FBXO25: variants seen among roughly 807,000 people sequenced by gnomAD.
The protein encoded by FBXO25 is F-box protein 25, also known as F-box only protein 25.
A neutral mutation model predicts 51.9 loss-of-function variants in FBXO25; 45 were observed. The observed-to-expected ratio is 0.87, with a 90% CI of 0.68 to 1.11. The LOEUF is 1.11. Ranked by LOEUF, FBXO25 falls within the 50% of genes most tolerant of loss-of-function variation. The pLI, the probability that FBXO25 is intolerant of heterozygous loss-of-function variation, is 0.00. For synonymous variants in FBXO25, 199 were observed against 151.0 expected, an observed-to-expected ratio of 1.32 and a Z score of -2.33; for missense variants, 507 against 428.5, an observed-to-expected ratio of 1.18 and a Z score of -1.62.
intron 2 of FBXO25, among the ~76,000 whole-genome samples, chr8:417,696 C>G (rs1796894496): frequency 6.6e-6 from 1 of 152,196 alleles, no homozygotes; most frequent in Admixed American, 6.5e-5. Context: ...CATGTTCATC[C>G]TTTTCCTCCA....
chr8:453,640 G>T (rs185489460), intron 7 of FBXO25, among the ~76,000 whole-genome samples: 13 of 152,182 alleles, frequency 8.5e-5, no homozygotes, highest in Non-Finnish European at 1.6e-4. Flanking sequence ...GCTTATTCAC[G>T]TGAATTTTGA....
Position 475,451 on chromosome 8 carries a change from G to T in FBXO25, c.*6647G>T, listed in dbSNP as rs905499713. The T allele has an allele frequency of 6.6e-6, 1 of 152,284 alleles. No homozygotes were observed. The highest frequency in any genetic ancestry group is 2.4e-5 in the African/African-American group (1 of 41,150). 9.4% of individuals were successfully genotyped at this position (152,284 alleles called of 1,614,324 possible). A position where few individuals can be genotyped will look rare whatever the true frequency, so the allele number is the denominator to read the frequency against. On this transcript the variant is annotated 3_prime_UTR_variant, in exon 10 of 10. Coordinates refer to ENST00000350302, the MANE Select transcript of FBXO25 (RefSeq NM_183420.2). ...TCTTGAGATTCCATATGAGTTTCAGGATGGAAAAAAAAAAGCCACTGGGAT... is the reference window on the plus strand; with the variant it reads ...TCTTGAGATTCCATATGAGTTTCAGTATGGAAAAAAAAAAGCCACTGGGAT...
chr8:444,065 T>C (rs1798593746), intron 5 of FBXO25, among the ~76,000 whole-genome samples: 1 of 152,168 alleles, frequency 6.6e-6, no homozygotes, highest in African/African-American at 2.4e-5. Flanking sequence ...GCAGGGATAA[T>C]AGTAAGACCT....
intron 9 of FBXO25, among the ~76,000 whole-genome samples, chr8:463,392 G>T (rs1485222039): frequency 6.6e-6 from 1 of 152,208 alleles, no homozygotes. Context: ...ATGCAGGAGG[G>T]CGTTGCAGGC....
At chr8:407,955 C>T (rs1584986981) in intron 1 of FBXO25, among the ~76,000 whole-genome samples, 1 of 152,182 alleles carries the variant, frequency 6.6e-6, no homozygotes, top group East Asian at 1.9e-4. Context: ...CCATTTCTTC[C>T]CTTATGAAGC....
rs1449025649 is a variant in FBXO25, at chr8:476,050, A to G, written c.*7246A>G. ...CCTCTATTTTAGGTTGTTTCCTTCT[A>G]TTCCCAATTGTTGAGTTTTTATCAT... On this transcript the variant is annotated 3_prime_UTR_variant, in exon 10 of 10. Transcript: ENST00000350302. 6.6e-6 allele frequency: 1 copy of G among 152,070 alleles called. No individual in the cohort carries two copies. Among genetic ancestry groups the G allele is most frequent in the Non-Finnish European group, 1.5e-5 (1 of 67,970 alleles). The allele number at this position is 152,070 out of a possible 1,614,324, so 9.4% of individuals were successfully genotyped here. A position where few individuals can be genotyped will look rare whatever the true frequency, so the allele number is the denominator to read the frequency against.
chr8:452,528 C>T (rs113335288), intron 7 of FBXO25, among the ~76,000 whole-genome samples: 1 of 152,194 alleles, frequency 6.6e-6, no homozygotes, highest in Non-Finnish European at 1.5e-5. Flanking sequence ...GGCCAAAGTC[C>T]CCTTTCTCCT....
chr8:446,737 G>A (rs772118650), intron 5 of FBXO25, among the ~76,000 whole-genome samples: 2 of 152,188 alleles, frequency 1.3e-5, no homozygotes, highest in Non-Finnish European at 2.9e-5. Flanking sequence ...TCTGGCCAGT[G>A]CCCTCAACTG....
intron 5 of FBXO25, among the ~76,000 whole-genome samples, chr8:438,919 C>CA (rs1371241649): frequency 6.6e-6 from 1 of 152,188 alleles, no homozygotes; most frequent in African/African-American, 2.4e-5. Context: ...TCTGCGTCCC[C>CA]ATCCCAGTTG....
chr8:444,520 T>C (rs1798619224), intron 5 of FBXO25, among the ~76,000 whole-genome samples: 1 of 152,256 alleles, frequency 6.6e-6, no homozygotes, highest in Admixed American at 6.5e-5. Flanking sequence ...TTTGTGGCCT[T>C]CTTTATAATT....
chr8:469,920 G>A lies in FBXO25; in HGVS notation c.*1116G>A, dbSNP rs960930155. On this transcript the variant is annotated 3_prime_UTR_variant, in exon 10 of 10. Coordinates refer to ENST00000350302, the MANE Select transcript of FBXO25 (RefSeq NM_183420.2). ...CTGGATTTTTCAGCCCCACTTCTGT[G>A]AACTGACACAAATGGCCAAGAATGC... 1.3e-5 allele frequency: 2 copies of A among 152,110 alleles called. No individual in the cohort carries two copies. Among genetic ancestry groups the A allele is most frequent in the Non-Finnish European group, 1.5e-5 (1 of 68,020 alleles). 9.4% of individuals were successfully genotyped at this position (152,110 alleles called of 1,614,324 possible).
intron 2 of FBXO25, among the ~76,000 whole-genome samples, chr8:423,109 C>T (rs4324905): frequency 1.4e-5 from 2 of 144,916 alleles, no homozygotes; most frequent in Non-Finnish European, 3.1e-5. Flanking sequence ...TGTTGAGATA[C>T]CTCTTTTTCC....
intron 7 of FBXO25, among the ~76,000 whole-genome samples, chr8:452,316 T>A (rs979390809): frequency 6.6e-6 from 1 of 152,236 alleles, no homozygotes; most frequent in Non-Finnish European, 1.5e-5. Context: ...GCAAGTTTGT[T>A]ATAAACGTTG....
intron 8 of FBXO25, among the ~76,000 whole-genome samples, chr8:459,089 C>T (rs753471243): frequency 3.3e-5 from 5 of 152,216 alleles, no homozygotes; most frequent in Non-Finnish European, 5.9e-5. Flanking sequence ...GCTTATTCCT[C>T]ATCCACGATG....
intron 1 of FBXO25, among the ~76,000 whole-genome samples, chr8:408,310 A>T (rs1162317744): frequency 1.3e-5 from 2 of 149,816 alleles, no homozygotes; most frequent in East Asian, 3.9e-4. Context: ...CATATTAGTG[A>T]TCTGTAATAG....
intron 2 of FBXO25, among the ~76,000 whole-genome samples, chr8:422,060 G>A: frequency 6.6e-6 from 1 of 152,196 alleles, no homozygotes; most frequent in East Asian, 1.9e-4. Flanking sequence ...AAATCACCAT[G>A]ATAATTGTTA....
chr8:434,996 C>G (rs1215116344), intron 4 of FBXO25, among the ~76,000 whole-genome samples: 1 of 152,188 alleles, frequency 6.6e-6, no homozygotes, highest in Admixed American at 6.5e-5. Flanking sequence ...ACATCCAGCA[C>G]TTGCCTTCAG....
At chr8:408,978 A>T (rs1475094379) in intron 1 of FBXO25, among the ~76,000 whole-genome samples, 1 of 152,218 alleles carries the variant, frequency 6.6e-6, no homozygotes, top group Non-Finnish European at 1.5e-5. Context: ...TTTTAATTAA[A>T]ATAAGCGTAT....
At chr8:452,741 A>G (rs1185758976) in intron 7 of FBXO25, among the ~76,000 whole-genome samples, 1 of 152,162 alleles carries the variant, frequency 6.6e-6, no homozygotes, top group Non-Finnish European at 1.5e-5. Context: ...CATTCTTTGG[A>G]GAGAGATGTG....
Sources: gnomAD v4.1 joint callset for allele counts (sites outside exome capture counted in the v4.1 genomes callset) on GRCh38, gnomAD v4.1.1 for gene constraint, MANE v1.5 for transcripts, NCBI Gene and HGNC (gene_info 2026-07-23, HGNC 2026-07-21) for gene names.